NRG3: variants seen among roughly 807,000 people sequenced by gnomAD.
NRG3 encodes the protein pro-neuregulin-3, membrane-bound isoform.
A neutral mutation model predicts 66.9 loss-of-function variants in NRG3; 31 were observed. That is an observed-to-expected ratio of 0.46 (90% CI 0.35 to 0.63). NRG3 has a LOEUF of 0.63. NRG3 is among the 20% of genes least tolerant of loss of function. The pLI is 0.00. For missense variants in NRG3, 910 were observed against 878.9 expected (o/e 1.04, Z -0.45); for synonymous variants, 393 against 359.4 (o/e 1.09, Z -1.06).
intron 1 of NRG3, among the ~76,000 whole-genome samples, chr10:82,023,422 C>T (rs2062153123): frequency 6.6e-6 from 1 of 151,972 alleles, no homozygotes; most frequent in Admixed American, 6.6e-5. Context: ...GGCAGGTATC[C>T]TTGTCTTGTT....
At chr10:82,123,756 T>C (rs1250217230) in intron 1 of NRG3, among the ~76,000 whole-genome samples, 1 of 152,166 alleles carries the variant, frequency 6.6e-6, no homozygotes, top group Non-Finnish European at 1.5e-5. Flanking sequence ...GATCTGAATG[T>C]TGGCTGAACA....
chr10:82,788,190 A>G (rs906092423), intron 3 of NRG3, among the ~76,000 whole-genome samples: 2 of 152,194 alleles, frequency 1.3e-5, no homozygotes, highest in African/African-American at 4.8e-5. Context: ...ATTATTCAGC[A>G]GGAGCAGAAG....
At chr10:82,250,858 A>T (rs1397568403) in intron 1 of NRG3, among the ~76,000 whole-genome samples, 3 of 152,218 alleles carry the variant, frequency 2.0e-5, no homozygotes, top group African/African-American at 4.8e-5. Flanking sequence ...GCTGTATTAA[A>T]AGAGGTAAAA....
intron 2 of NRG3, among the ~76,000 whole-genome samples, chr10:82,702,197 A>G (rs2055933716): frequency 6.6e-6 from 1 of 152,186 alleles, no homozygotes; most frequent in South Asian, 2.1e-4. Context: ...TTCCTTGTGG[A>G]TTCCAATAGT....
chr10:82,967,410 T>C (rs1310059971), intron 6 of NRG3, among the ~76,000 whole-genome samples: 4 of 152,112 alleles, frequency 2.6e-5, no homozygotes, highest in Non-Finnish European at 5.9e-5. Context: ...ACTCCAACAG[T>C]GAAAAACCTC....
chr10:82,325,925 T>C (rs2081851801), intron 1 of NRG3, among the ~76,000 whole-genome samples: 1 of 152,206 alleles, frequency 6.6e-6, no homozygotes, highest in South Asian at 2.1e-4. Context: ...TTGATTATAT[T>C]TGGAATATTT....
At chr10:82,759,410 A>C (rs563642256) in intron 3 of NRG3, among the ~76,000 whole-genome samples, 21 of 152,146 alleles carry the variant, frequency 1.4e-4, no homozygotes, top group Non-Finnish European at 2.5e-4. Context: ...TAGCCAAATA[A>C]ACCTCTTTTC....
At chr10:82,610,101 C>A (rs74889383) in intron 2 of NRG3, among the ~76,000 whole-genome samples, 2 of 152,178 alleles carry the variant, frequency 1.3e-5, no homozygotes. Context: ...CAGAACCTCT[C>A]TCACCCCATC....
intron 4 of NRG3, among the ~76,000 whole-genome samples, chr10:82,875,431 C>T (rs528699360): frequency 1.3e-5 from 2 of 152,264 alleles, no homozygotes; most frequent in African/African-American, 2.4e-5. Flanking sequence ...AATCGTGGCT[C>T]ATTGCAGTCT....
intron 3 of NRG3, among the ~76,000 whole-genome samples, chr10:82,785,179 G>T (rs1189973480): frequency 1.4e-5 from 2 of 144,060 alleles, no homozygotes; most frequent in Middle Eastern, 3.2e-3. Flanking sequence ...ACAGGAAGGG[G>T]AACATCACAC....
At position 82,454,703 on chromosome 10, in the gene NRG3, GA is replaced by G. The variant is rs1486690645; in HGVS notation, c.953+95837del. ...AAATGTTTAAAGTAAAACTACAAAA[GA>G]AGCAGAAAACACAGGTGATATCTCT... On this transcript the variant is annotated intron_variant, in intron 2 of 8. Coordinates refer to ENST00000372141, the MANE Select transcript of NRG3 (RefSeq NM_001010848.4). Among the ~76,000 whole-genome samples the G allele has an allele frequency of 2.0e-5, 3 of 152,092 alleles. No individual in the cohort carries two copies. In the East Asian group the frequency reaches 5.8e-4, roughly 29 times the overall value.
intron 2 of NRG3, among the ~76,000 whole-genome samples, chr10:82,441,211 A>T (rs1278836396): frequency 1.3e-5 from 2 of 152,256 alleles, no homozygotes; most frequent in Non-Finnish European, 1.5e-5. Flanking sequence ...TACCAAGGAG[A>T]GAAACATATG....
intron 2 of NRG3, among the ~76,000 whole-genome samples, chr10:82,633,318 G>A (rs997050976): frequency 6.6e-6 from 1 of 152,116 alleles, no homozygotes; most frequent in Non-Finnish European, 1.5e-5. Context: ...AATCATATCT[G>A]GATTGGGTCC....
At chr10:82,715,522 A>G (rs891417940) in intron 2 of NRG3, among the ~76,000 whole-genome samples, 8 of 152,214 alleles carry the variant, frequency 5.3e-5, no homozygotes, top group Non-Finnish European at 1.0e-4. Flanking sequence ...TGATTTTCAA[A>G]TACATATTTA....
chr10:81,975,805 T>C (rs182642394), intron 1 of NRG3, among the ~76,000 whole-genome samples: 6 of 152,266 alleles, frequency 3.9e-5, no homozygotes, highest in Admixed American at 3.9e-4. Flanking sequence ...GGCCTTAAGA[T>C]AAAGAGAATA....
chr10:82,447,745 G>A (rs2090809911), intron 2 of NRG3, among the ~76,000 whole-genome samples: 1 of 152,214 alleles, frequency 6.6e-6, no homozygotes, highest in Non-Finnish European at 1.5e-5. Context: ...CTTTGGAGGT[G>A]TTCAGAAACT....
chr10:82,128,467 G>A (rs1437003561), intron 1 of NRG3, among the ~76,000 whole-genome samples: 1 of 152,008 alleles, frequency 6.6e-6, no homozygotes, highest in Non-Finnish European at 1.5e-5. Context: ...TTCCCAGTAA[G>A]TGCCTCCTGT....
At chr10:82,422,424 G>A (rs2089147879) in intron 2 of NRG3, among the ~76,000 whole-genome samples, 1 of 151,968 alleles carries the variant, frequency 6.6e-6, no homozygotes, top group African/African-American at 2.4e-5. Context: ...CTCTGACTGG[G>A]AAAGCCCCTG....
At chr10:82,076,483 G>C (rs1018227308) in intron 1 of NRG3, among the ~76,000 whole-genome samples, 1 of 152,178 alleles carries the variant, frequency 6.6e-6, no homozygotes, top group African/African-American at 2.4e-5. Context: ...ATATAGTTTG[G>C]TTGCTTGTTT....
Sources: gnomAD v4.1 joint callset for allele counts (sites outside exome capture counted in the v4.1 genomes callset) on GRCh38, gnomAD v4.1.1 for gene constraint, MANE v1.5 for transcripts, NCBI Gene and HGNC (gene_info 2026-07-23, HGNC 2026-07-21) for gene names.